Variants in WDR49 observed in about 807,000 individuals in gnomAD.
The protein encoded by WDR49 is cilia- and flagella-associated protein 337.
Under a neutral mutation model 119.5 loss-of-function variants are expected in WDR49, and 107 were observed. That is an observed-to-expected ratio of 0.90 (90% CI 0.77 to 1.05). The LOEUF (loss-of-function observed/expected upper bound fraction) is 1.05, where lower values mean the gene tolerates loss of function less well. WDR49 is among the 50% of genes least tolerant of loss of function. The pLI, the probability that WDR49 is intolerant of heterozygous loss-of-function variation, is 0.00. For synonymous variants in WDR49, 425 were observed against 418.8 expected, an observed-to-expected ratio of 1.01 and a Z score of -0.18; for missense variants, 1,240 against 1,220.5, an observed-to-expected ratio of 1.02 and a Z score of -0.24.
intron 7 of WDR49, among the ~76,000 whole-genome samples, chr3:167,577,135 G>A (rs1054797578): frequency 6.6e-6 from 1 of 152,062 alleles, no homozygotes; most frequent in Non-Finnish European, 1.5e-5. Flanking sequence ...CAAGAAATAG[G>A]TTGCTTTAGA....
At chr3:167,543,572 A>AT (rs1711974685) in intron 10 of WDR49, among the ~76,000 whole-genome samples, 1 of 152,028 alleles carries the variant, frequency 6.6e-6, no homozygotes. Context: ...CAGAAAAGAC[A>AT]TTTGACAAAA....
intron 8 of WDR49, among the ~76,000 whole-genome samples, chr3:167,562,205 G>A (rs1389271217): frequency 6.6e-6 from 1 of 152,164 alleles, no homozygotes; most frequent in African/African-American, 2.4e-5. Context: ...GAGTAATACA[G>A]TGTTTTTTGT....
At chr3:167,515,868 T>C (rs972006344) in intron 16 of WDR49, among the ~76,000 whole-genome samples, 8 of 152,170 alleles carry the variant, frequency 5.3e-5, no homozygotes, top group African/African-American at 1.9e-4. Context: ...AAATCATAGA[T>C]GAATTCCCAT....
At chr3:167,510,949 T>G (rs1207885821) in intron 16 of WDR49, among the ~76,000 whole-genome samples, 2 of 152,044 alleles carry the variant, frequency 1.3e-5, no homozygotes, top group Non-Finnish European at 2.9e-5. Flanking sequence ...TCATATTTTT[T>G]CATATGGATG....
At position 167,500,278 on chromosome 3, in the gene WDR49, A is replaced by T. The variant is rs116685244; in HGVS notation, c.2906T>A (p.Ile969Asn). ...KSFSTFRSLN[I>N]GALEELPEVN... is the part of the protein sequence containing the mutation. ...TTCAGGCAGCTCTTCCAGGGCTCCA[A>T]TGTTTAATGACCTAAATGTACCTTC... Residue 969 changes from isoleucine to asparagine, a missense_variant, in exon 18 of 19, where the codon ATT becomes AAT. Transcript: ENST00000682715. 3 of 1,605,238 alleles carry T rather than the reference A, an allele frequency of 1.9e-6. No individual in the cohort carries two copies. In the South Asian group the frequency reaches 3.4e-5, roughly 18 times the overall value.
intron 10 of WDR49, among the ~76,000 whole-genome samples, chr3:167,552,625 G>A (rs914614113): frequency 4.6e-5 from 7 of 152,094 alleles, no homozygotes; most frequent in South Asian, 4.2e-4. Context: ...TGAGATTGCA[G>A]TCAGACACGT....
chr3:167,596,421 G>T (rs1341719869), intron 7 of WDR49, among the ~76,000 whole-genome samples: 1 of 151,726 alleles, frequency 6.6e-6, no homozygotes, highest in East Asian at 2.0e-4. Context: ...ACATGCACAC[G>T]TATGTTTACT....
At chr3:167,570,795 T>C (rs1189400473) in intron 8 of WDR49, among the ~76,000 whole-genome samples, 1 of 152,180 alleles carries the variant, frequency 6.6e-6, no homozygotes, top group Non-Finnish European at 1.5e-5. Context: ...CCCAGCACTT[T>C]GGGAAGCCAA....
At chr3:167,512,419 C>A (rs1443833157) in intron 16 of WDR49, among the ~76,000 whole-genome samples, 5 of 152,250 alleles carry the variant, frequency 3.3e-5, no homozygotes, top group African/African-American at 9.6e-5. Context: ...AAAGCAACAA[C>A]ATCAACAAAA....
intron 9 of WDR49, among the ~76,000 whole-genome samples, chr3:167,559,610 A>C (rs1180148295): frequency 6.6e-6 from 1 of 152,248 alleles, no homozygotes; most frequent in East Asian, 1.9e-4. Flanking sequence ...TTAAGATTAC[A>C]AAATAGGTTT....
chr3:167,524,897 T>A (rs1320941082), intron 15 of WDR49, among the ~76,000 whole-genome samples: 4 of 152,180 alleles, frequency 2.6e-5, no homozygotes, highest in Non-Finnish European at 4.4e-5. Context: ...GGGCTCTTTT[T>A]CAGTTCCATA....
intron 5 of WDR49, among the ~76,000 whole-genome samples, chr3:167,615,227 T>TG (rs1325311660): frequency 6.6e-6 from 1 of 152,182 alleles, no homozygotes; most frequent in African/African-American, 2.4e-5. Flanking sequence ...CTCAATCTCC[T>TG]GGGCTCAGGT....
chr3:167,618,948 C>T (rs1716729162), intron 5 of WDR49, among the ~76,000 whole-genome samples: 1 of 152,060 alleles, frequency 6.6e-6, no homozygotes, highest in Non-Finnish European at 1.5e-5. Context: ...AAAATTGAGG[C>T]AGAGTCTGCA....
intron 15 of WDR49, among the ~76,000 whole-genome samples, chr3:167,526,308 G>A (rs1752626027): frequency 6.6e-6 from 1 of 152,160 alleles, no homozygotes; most frequent in African/African-American, 2.4e-5. Flanking sequence ...TTTGGTGGGT[G>A]AACTTTATAT....
intron 7 of WDR49, among the ~76,000 whole-genome samples, chr3:167,591,163 A>T (rs1212243918): frequency 6.6e-6 from 1 of 152,054 alleles, no homozygotes; most frequent in East Asian, 1.9e-4. Flanking sequence ...CTTTATTGAC[A>T]CACTGGTCAT....
At chr3:167,522,170 C>A (rs1186889977) in intron 16 of WDR49, 145 bp downstream of exon 16, 29 of 653,404 alleles carry the variant, frequency 4.4e-5, no homozygotes, top group Middle Eastern at 4.4e-4. Context: ...CTCATTCATA[C>A]GCACCTACCA....
intron 6 of WDR49, 124 bp from the exon 7 acceptor site, chr3:167,602,399 G>T: frequency 7.1e-6 from 6 of 840,926 alleles, no homozygotes; most frequent in Non-Finnish European, 1.0e-5. Flanking sequence ...GTTGACTAAT[G>T]CACCTGTTTT....
intron 16 of WDR49, among the ~76,000 whole-genome samples, chr3:167,515,825 T>C (rs1752176011): frequency 6.6e-6 from 1 of 152,112 alleles, no homozygotes; most frequent in African/African-American, 2.4e-5. Context: ...TCACAAGCAC[T>C]CCTATACACA....
chr3:167,622,140 G>A (rs1346871895), intron 3 of WDR49, among the ~76,000 whole-genome samples: 1 of 152,116 alleles, frequency 6.6e-6, no homozygotes, highest in Non-Finnish European at 1.5e-5. Context: ...AATAGAAAAT[G>A]TCCCTGTAGA....
Sources: gnomAD v4.1 joint callset for allele counts (sites outside exome capture counted in the v4.1 genomes callset) on GRCh38, gnomAD v4.1.1 for gene constraint, MANE v1.5 for transcripts, NCBI Gene and HGNC (gene_info 2026-07-23, HGNC 2026-07-21) for gene names.